Variants in JAM2 observed in about 807,000 individuals in gnomAD.
JAM2 encodes junctional adhesion molecule B.
Under a neutral mutation model 42.0 loss-of-function variants are expected in JAM2, and 17 were observed. The observed-to-expected ratio is 0.40, with a 90% CI of 0.28 to 0.61. JAM2 has a LOEUF of 0.61. Ranked by LOEUF, JAM2 falls within the 20% of genes least tolerant of loss-of-function variation. The pLI, the probability that JAM2 is intolerant of heterozygous loss-of-function variation, is 0.37. For synonymous variants in JAM2, 118 were observed against 128.6 expected (o/e 0.92, Z 0.56); for missense variants, 319 against 358.3 (o/e 0.89, Z 0.89).
chr21:25,668,044 G>C (rs1021884257), intron 1 of JAM2, among the ~76,000 whole-genome samples: 3 of 152,066 alleles, frequency 2.0e-5, no homozygotes, highest in African/African-American at 7.2e-5. Context: ...AGAAGTGAGG[G>C]AGTTAATAGA....
intron 2 of JAM2, among the ~76,000 whole-genome samples, chr21:25,687,214 A>G (rs2033770030): frequency 6.6e-6 from 1 of 152,234 alleles, no homozygotes; most frequent in African/African-American, 2.4e-5. Context: ...TACAGAGCAC[A>G]TACTATATGT....
At chr21:25,681,002 C>A (rs979985108) in intron 1 of JAM2, among the ~76,000 whole-genome samples, 1 of 152,124 alleles carries the variant, frequency 6.6e-6, no homozygotes, top group Non-Finnish European at 1.5e-5. Flanking sequence ...GATATGCCAA[C>A]AGATAGGTCA....
chr21:25,639,848 C>A lies in JAM2; in HGVS notation c.27C>A (p.Leu9=), dbSNP rs928645421. Residue 9 remains leucine, a synonymous_variant, in exon 1 of 10, where the codon CTC becomes CTA. Coordinates refer to ENST00000480456, the MANE Select transcript of JAM2 (RefSeq NM_021219.4). ...TGGCGAGGAGGAGCCGCCACCGCCT[C>A]CTCCTGCTGCTGCTGCGCTACCTGG... MARRSRHR[L]LLLLLRYLVV... 3 of 1,593,882 alleles carry A rather than the reference C, an allele frequency of 1.9e-6. No individual in the cohort carries two copies. The highest frequency in any genetic ancestry group is 1.3e-5 in the African/African-American group (1 of 74,628).
chr21:25,663,250 A>G (rs1020718026), intron 1 of JAM2, among the ~76,000 whole-genome samples: 2 of 152,184 alleles, frequency 1.3e-5, no homozygotes, highest in Admixed American at 1.3e-4. Context: ...GGCCATTTGA[A>G]GGAACCTGGA....
chr21:25,671,566 C>T (rs2033361974), intron 1 of JAM2, among the ~76,000 whole-genome samples: 1 of 151,948 alleles, frequency 6.6e-6, no homozygotes. Context: ...AGTGCAGTGG[C>T]ACAATCTCAG....
intron 1 of JAM2, among the ~76,000 whole-genome samples, chr21:25,666,027 G>A (rs1007697180): frequency 6.6e-6 from 1 of 151,892 alleles, no homozygotes; most frequent in East Asian, 1.9e-4. Flanking sequence ...GTGATAGAGT[G>A]AGACACCATC....
intron 2 of JAM2, among the ~76,000 whole-genome samples, chr21:25,689,661 A>T (rs1264678229): frequency 3.3e-5 from 5 of 152,242 alleles, no homozygotes; most frequent in African/African-American, 4.8e-5. Context: ...TAACCAGGGA[A>T]ATAAGCACAG....
chr21:25,667,925 G>A (rs2033263625), intron 1 of JAM2, among the ~76,000 whole-genome samples: 1 of 152,174 alleles, frequency 6.6e-6, no homozygotes, highest in Admixed American at 6.6e-5. Flanking sequence ...CAGGATCAAA[G>A]GAATCAGGAA....
chr21:25,695,485 G>A (rs894426947), intron 4 of JAM2, among the ~76,000 whole-genome samples: 5 of 152,214 alleles, frequency 3.3e-5, no homozygotes, highest in African/African-American at 1.2e-4. Flanking sequence ...TCAATGAGCT[G>A]TTGGGTACAC....
intron 1 of JAM2, among the ~76,000 whole-genome samples, chr21:25,645,078 G>A (rs1341514386): frequency 1.3e-5 from 2 of 152,066 alleles, no homozygotes; most frequent in Admixed American, 6.6e-5. Context: ...ACTGGGTTTC[G>A]TCATGTTGGC....
chr21:25,695,694 G>T (rs2034000298), intron 4 of JAM2, among the ~76,000 whole-genome samples: 4 of 149,098 alleles, frequency 2.7e-5, no homozygotes, highest in Admixed American at 2.0e-4. Flanking sequence ...GGGCGGAGGG[G>T]CTCCTCACTT....
At chr21:25,656,507 G>T (rs190242336) in intron 1 of JAM2, among the ~76,000 whole-genome samples, 1 of 152,316 alleles carries the variant, frequency 6.6e-6, no homozygotes, top group Non-Finnish European at 1.5e-5. Flanking sequence ...ATTCTCTAGA[G>T]AAGATGCCGG....
chr21:25,682,869 T>C (rs2033666955), intron 1 of JAM2, among the ~76,000 whole-genome samples: 1 of 152,042 alleles, frequency 6.6e-6, no homozygotes, highest in African/African-American at 2.4e-5. Flanking sequence ...AATACTTCTC[T>C]GACCACCCCC....
intron 8 of JAM2, 34 bp downstream of exon 8, chr21:25,709,483 C>A: frequency 7.2e-7 from 1 of 1,379,946 alleles, no homozygotes; most frequent in Non-Finnish European, 1.0e-6. Flanking sequence ...ATGTCTTTCT[C>A]CTATGTCAAC....
intron 1 of JAM2, among the ~76,000 whole-genome samples, chr21:25,671,563 T>C (rs2033361901): frequency 6.6e-6 from 1 of 152,158 alleles, no homozygotes; most frequent in Non-Finnish European, 1.5e-5. Flanking sequence ...TGGAGTGCAG[T>C]GGCACAATCT....
intron 1 of JAM2, among the ~76,000 whole-genome samples, chr21:25,665,778 C>T (rs1310943050): frequency 6.6e-6 from 1 of 152,134 alleles, no homozygotes; most frequent in African/African-American, 2.4e-5. Context: ...CAGTGGCTCA[C>T]GTCTGTAATC....
chr21:25,639,734 C>T lies in JAM2; in HGVS notation c.-88C>T, dbSNP rs1358134238. On this transcript the variant is annotated 5_prime_UTR_variant, in exon 1 of 10. Coordinates refer to ENST00000480456, the MANE Select transcript of JAM2 (RefSeq NM_021219.4). ...TCCCGACTCTCTGCTCCTTTCCCGCCCCAGAAGTTCAAGGGCCCCCGGCCT... is the reference window on the plus strand; with the variant it reads ...TCCCGACTCTCTGCTCCTTTCCCGCTCCAGAAGTTCAAGGGCCCCCGGCCT... 7.5e-6 allele frequency: 6 copies of T among 802,132 alleles called. No individual in the cohort carries two copies. The highest frequency in any genetic ancestry group is 3.2e-5 in the South Asian group (2 of 61,724). The allele number at this position is 802,132 out of a possible 1,614,324, so 49.7% of individuals were successfully genotyped here. A position where few individuals can be genotyped will look rare whatever the true frequency, so the allele number is the denominator to read the frequency against.
Position 25,711,085 on chromosome 21 carries a change from G to A in JAM2, c.822-1255G>A, listed in dbSNP as rs537779501. On this transcript the variant is annotated intron_variant, in intron 8 of 9. Coordinates refer to ENST00000480456, the MANE Select transcript of JAM2 (RefSeq NM_021219.4). Reference sequence around the variant, plus strand: ...TGGCTTCAAGGTTATGAGAAGGATGGAATTACCATTTACGGAAGTGTGGAA... The same window carrying A: ...TGGCTTCAAGGTTATGAGAAGGATGAAATTACCATTTACGGAAGTGTGGAA... Among the ~76,000 whole-genome samples the A allele has an allele frequency of 2.6e-3, 401 of 152,346 alleles. 1 individual carries two copies. The highest frequency in any genetic ancestry group is 4.3e-3 in the Non-Finnish European group (292 of 68,034).
intron 6 of JAM2, among the ~76,000 whole-genome samples, chr21:25,703,117 G>T (rs1316717739): frequency 6.6e-6 from 1 of 152,220 alleles, no homozygotes; most frequent in African/African-American, 2.4e-5. Flanking sequence ...CTCCCAAAGT[G>T]CTGGGATTAC....
Sources: allele counts gnomAD v4.1 joint callset (sites outside exome capture counted in the v4.1 genomes callset), GRCh38; gene constraint gnomAD v4.1.1; transcripts MANE v1.5; gene names NCBI Gene and HGNC (gene_info 2026-07-23, HGNC 2026-07-21).